Variants in ILDR2 observed in about 807,000 individuals in gnomAD.
The protein encoded by ILDR2 is immunoglobulin like domain containing receptor 2.
Under a neutral mutation model 66.8 loss-of-function variants are expected in ILDR2, and 25 were observed. The ratio of observed to expected loss-of-function variants is 0.37; its 90% confidence interval spans 0.27 to 0.52. ILDR2 has a LOEUF of 0.52. Among genes scored for constraint, ILDR2 ranks in the 20% least tolerant of loss-of-function variants. ILDR2 has a pLI of 0.88. For synonymous variants in ILDR2, 367 were observed against 357.2 expected (o/e 1.03, Z -0.31); for missense variants, 827 against 876.8 (o/e 0.94, Z 0.72).
At chr1:166,924,775 G>A (rs1277827457) in intron 7 of ILDR2, among the ~76,000 whole-genome samples, 1 of 152,224 alleles carries the variant, frequency 6.6e-6, no homozygotes, top group Non-Finnish European at 1.5e-5. Flanking sequence ...AGCACTTTGT[G>A]AGACCAATGA....
chr1:166,916,861 C>T lies in ILDR2; in HGVS notation c.*2494G>A, dbSNP rs1659663533. The stretch of plus-strand genomic sequence containing the variant: ...TTTCTTTCCCATTGCTACCCTCAAC[C>T]TTCACCAAAATCATACGTCCGTAGC... On this transcript the variant is annotated 3_prime_UTR_variant, in exon 10 of 10. Transcript: ENST00000271417. The T allele has an allele frequency of 6.6e-6, 1 of 152,168 alleles. No homozygotes were observed. Among genetic ancestry groups the T allele is most frequent in the Admixed American group, 6.5e-5 (1 of 15,278 alleles). 9.4% of individuals were successfully genotyped at this position (152,168 alleles called of 1,614,324 possible).
intron 2 of ILDR2, among the ~76,000 whole-genome samples, chr1:166,900,522 A>G (rs1659241378): frequency 1.3e-5 from 2 of 152,248 alleles, no homozygotes; most frequent in Non-Finnish European, 2.9e-5. Context: ...GATAATTACA[A>G]TATTCTCTAA....
chr1:166,964,273 G>C (rs572700638), intron 1 of ILDR2, among the ~76,000 whole-genome samples: 1 of 152,182 alleles, frequency 6.6e-6, no homozygotes, highest in African/African-American at 2.4e-5. Flanking sequence ...CTGTTTTGGT[G>C]CCCTGACCTC....
intron 2 of ILDR2, 99 bp downstream of exon 2, chr1:166,957,670 G>T: frequency 9.7e-7 from 1 of 1,034,836 alleles, no homozygotes; most frequent in Non-Finnish European, 1.4e-6. Flanking sequence ...GGGTCTGAAA[G>T]GGTGAGAGGC....
At chr1:166,922,414 T>C (rs1398146986) in intron 8 of ILDR2, among the ~76,000 whole-genome samples, 179 bp downstream of exon 8, 6 of 152,212 alleles carry the variant, frequency 3.9e-5, no homozygotes, top group African/African-American at 1.4e-4. Context: ...TTGTCACAAG[T>C]GTTCCCTGTC....
chr1:166,957,168 C>A (rs1662328343), intron 2 of ILDR2, among the ~76,000 whole-genome samples: 1 of 152,196 alleles, frequency 6.6e-6, no homozygotes, highest in South Asian at 2.1e-4. Context: ...AGGAAAATGC[C>A]AGAATTATTC....
intron 2 of ILDR2, among the ~76,000 whole-genome samples, chr1:166,899,227 T>C (rs756104789): frequency 2.0e-5 from 3 of 151,662 alleles, no homozygotes; most frequent in Non-Finnish European, 2.9e-5. Flanking sequence ...ACTCCGTCTC[T>C]ACTAAAAATA....
intron 3 of ILDR2, among the ~76,000 whole-genome samples, chr1:166,950,023 G>A (rs1661876690): frequency 6.6e-6 from 1 of 152,136 alleles, no homozygotes; most frequent in South Asian, 2.1e-4. Context: ...TTTCTTTGGG[G>A]AATCAACTCT....
At chr1:166,898,709 T>C (rs148920289) in intron 2 of ILDR2, among the ~76,000 whole-genome samples, 3 of 152,146 alleles carry the variant, frequency 2.0e-5, no homozygotes, top group African/African-American at 7.2e-5. Context: ...AAGACATTCA[T>C]TTTTTTTCCT....
intron 2 of ILDR2, among the ~76,000 whole-genome samples, chr1:166,899,141 C>T (rs1035954674): frequency 3.3e-5 from 5 of 151,970 alleles, no homozygotes; most frequent in African/African-American, 2.4e-5. Flanking sequence ...CCTGTAATCC[C>T]AGCACTTTAG....
At chr1:166,965,570 G>GTTTTTTTTTTTTTTTTTT (rs535388259) in intron 1 of ILDR2, among the ~76,000 whole-genome samples, 2 of 127,404 alleles carry the variant, frequency 1.6e-5, no homozygotes, top group Non-Finnish European at 3.2e-5. Context: ...GTTAGGTTTT[G>GTTTTTTTTTTTTTTTTTT]TTTTTTTTTT....
At chr1:166,967,267 T>C (rs1473270547) in intron 1 of ILDR2, among the ~76,000 whole-genome samples, 1 of 152,218 alleles carries the variant, frequency 6.6e-6, no homozygotes, top group Non-Finnish European at 1.5e-5. Flanking sequence ...AGCTGCATGT[T>C]GGAAACGGTA....
At chr1:166,968,160 T>C (rs1663071635) in intron 1 of ILDR2, among the ~76,000 whole-genome samples, 1 of 152,216 alleles carries the variant, frequency 6.6e-6, no homozygotes, top group Non-Finnish European at 1.5e-5. Context: ...TCCTTTCAGA[T>C]GGGGCCATTA....
At chr1:166,898,795 G>T (rs1411099968) in intron 2 of ILDR2, among the ~76,000 whole-genome samples, 1 of 151,982 alleles carries the variant, frequency 6.6e-6, no homozygotes, top group Non-Finnish European at 1.5e-5. Flanking sequence ...TGCAGTAGCT[G>T]ACACCTGTAA....
At chr1:166,944,556 C>G (rs2101933046) in intron 3 of ILDR2, among the ~76,000 whole-genome samples, 1 of 152,298 alleles carries the variant, frequency 6.6e-6, no homozygotes, top group South Asian at 2.1e-4. Flanking sequence ...CCTGGTTTCC[C>G]ACTTCTACTC....
intron 4 of ILDR2, among the ~76,000 whole-genome samples, chr1:166,939,142 T>C (rs1661160335): frequency 6.6e-6 from 1 of 152,194 alleles, no homozygotes; most frequent in Non-Finnish European, 1.5e-5. Flanking sequence ...CAATAATGAA[T>C]CAGTAAACAT....
chr1:166,937,466 A>G (rs977138825), intron 4 of ILDR2, among the ~76,000 whole-genome samples: 1 of 152,262 alleles, frequency 6.6e-6, no homozygotes, highest in African/African-American at 2.4e-5. Flanking sequence ...CAAGCTGCCC[A>G]TGCTAGGCAG....
At chr1:166,898,343 C>A (rs571269132) in intron 2 of ILDR2, among the ~76,000 whole-genome samples, 4 of 152,330 alleles carry the variant, frequency 2.6e-5, no homozygotes. Flanking sequence ...TTGATCCCCA[C>A]ATCCACTTTC....
At chr1:166,897,470 T>C (rs948952718) in intron 2 of ILDR2, among the ~76,000 whole-genome samples, 1 of 152,126 alleles carries the variant, frequency 6.6e-6, no homozygotes, top group Non-Finnish European at 1.5e-5. Flanking sequence ...CCTAGATGAT[T>C]TCAGGATGGG....
Sources: allele counts gnomAD v4.1 joint callset (sites outside exome capture counted in the v4.1 genomes callset), GRCh38; gene constraint gnomAD v4.1.1; transcripts MANE v1.5; gene names NCBI Gene and HGNC (gene_info 2026-07-23, HGNC 2026-07-21).